TENM4: variants seen among roughly 807,000 people sequenced by gnomAD.
TENM4 encodes the protein teneurin-4.
In TENM4, 82 loss-of-function variants were observed where a neutral mutation model predicts 243.3. The observed-to-expected ratio is 0.34, with a 90% CI of 0.28 to 0.40. The LOEUF is 0.40. TENM4 is among the 10% of genes least tolerant of loss of function. The pLI is 1.00. For missense variants in TENM4, 3,138 were observed against 3,673.3 expected (o/e 0.85, Z 3.77); for synonymous variants, 1,412 against 1,456.3 (o/e 0.97, Z 0.69).
intron 6 of TENM4, among the ~76,000 whole-genome samples, chr11:79,056,558 C>T (rs1055633468): frequency 6.6e-6 from 1 of 151,946 alleles, no homozygotes; most frequent in Non-Finnish European, 1.5e-5. Flanking sequence ...CCAGGTCAAA[C>T]TTCACTAAGG....
intron 24 of TENM4, 117 bp from the exon 25 acceptor site, chr11:78,720,507 T>C (rs1450005178): frequency 9.8e-7 from 1 of 1,017,298 alleles, no homozygotes. Flanking sequence ...AATACTGTAA[T>C]AAATAAAGAC....
At chr11:78,853,067 T>A (rs967344228) in intron 12 of TENM4, among the ~76,000 whole-genome samples, 6 of 149,072 alleles carry the variant, frequency 4.0e-5, no homozygotes, top group African/African-American at 1.0e-4. Context: ...TTCAGAAACT[T>A]TTATCAAACT....
intron 2 of TENM4, among the ~76,000 whole-genome samples, chr11:79,227,438 G>A (rs1046549348): frequency 1.3e-5 from 2 of 152,154 alleles, no homozygotes; most frequent in Admixed American, 6.5e-5. Context: ...ACTGATAAAC[G>A]TGCTGAGAAA....
chr11:79,123,926 G>T (rs1477939207), intron 4 of TENM4, among the ~76,000 whole-genome samples: 1 of 152,052 alleles, frequency 6.6e-6, no homozygotes, highest in Non-Finnish European at 1.5e-5. Flanking sequence ...CAGTGTACAG[G>T]GCTTCTCAGA....
chr11:79,236,964 C>T (rs1036012665), intron 2 of TENM4, among the ~76,000 whole-genome samples: 6 of 152,080 alleles, frequency 3.9e-5, no homozygotes, highest in Non-Finnish European at 7.4e-5. Context: ...AAGGGGATTC[C>T]GTTAAAGGAG....
intron 1 of TENM4, among the ~76,000 whole-genome samples, chr11:79,414,511 A>C (rs1012602126): frequency 1.3e-5 from 2 of 152,198 alleles, no homozygotes; most frequent in African/African-American, 4.8e-5. Flanking sequence ...CAAGTAAAAC[A>C]TGCCAACTCA....
At chr11:79,242,304 G>GT in intron 2 of TENM4, among the ~76,000 whole-genome samples, 1 of 152,110 alleles carries the variant, frequency 6.6e-6, no homozygotes, top group Non-Finnish European at 1.5e-5. Context: ...TAATGGTGAT[G>GT]TTTTTTTCCT....
At position 78,687,843 on chromosome 11, in the gene TENM4, TA is replaced by T. The variant is rs547157313; in HGVS notation, c.5260+210del. Among the ~76,000 whole-genome samples, 31 of 152,338 alleles carry T rather than the reference TA, an allele frequency of 2.0e-4. No individual in the cohort carries two copies. The East Asian group carries it at 5.8e-3, about 28-fold the overall frequency. On this transcript the variant is annotated intron_variant, in intron 29 of 33. Transcript: ENST00000278550. ...CCTACCCTTTGTTCTGATAACAGGATAGGACAATAAAATATTATTCTTAAGC... is the reference window on the plus strand; with the variant it reads ...CCTACCCTTTGTTCTGATAACAGGATGGACAATAAAATATTATTCTTAAGC...
chr11:78,659,836 G>T (rs1020383731), intron 33 of TENM4, among the ~76,000 whole-genome samples: 2 of 152,204 alleles, frequency 1.3e-5, no homozygotes, highest in Non-Finnish European at 2.9e-5. Flanking sequence ...GCCACACTCA[G>T]GAAGGCTCCA....
chr11:79,117,041 T>C (rs888140925), intron 4 of TENM4, among the ~76,000 whole-genome samples: 2 of 152,194 alleles, frequency 1.3e-5, no homozygotes, highest in Non-Finnish European at 2.9e-5. Flanking sequence ...TCATCATCAT[T>C]ATTATCATTT....
intron 9 of TENM4, among the ~76,000 whole-genome samples, chr11:78,866,576 G>A (rs1858982237): frequency 1.3e-5 from 2 of 151,976 alleles, no homozygotes; most frequent in African/African-American, 4.8e-5. Context: ...AATGAGGGCA[G>A]GACAGTCCAC....
At chr11:79,205,906 C>A (rs1312199218) in intron 3 of TENM4, among the ~76,000 whole-genome samples, 2 of 152,192 alleles carry the variant, frequency 1.3e-5, no homozygotes, top group East Asian at 1.9e-4. Context: ...TCCATGCAGC[C>A]ACCGTGCTGA....
intron 4 of TENM4, among the ~76,000 whole-genome samples, chr11:79,098,224 C>T (rs538005663): frequency 1.9e-4 from 29 of 151,534 alleles, no homozygotes; most frequent in Admixed American, 7.9e-4. Flanking sequence ...CTCCCCCACC[C>T]CCCCCCATCT....
intron 9 of TENM4, among the ~76,000 whole-genome samples, chr11:78,872,458 C>A (rs767966740): frequency 6.6e-6 from 1 of 152,182 alleles, no homozygotes; most frequent in Non-Finnish European, 1.5e-5. Flanking sequence ...TGGTACAACA[C>A]GCCACTGCCA....
intron 7 of TENM4, among the ~76,000 whole-genome samples, chr11:78,895,005 A>T (rs11607333): frequency 8.5e-6 from 1 of 118,042 alleles, no homozygotes; most frequent in Admixed American, 1.0e-4. Flanking sequence ...AAAAAAAAAA[A>T]AAGAAGACAA....
At chr11:78,861,805 T>A (rs149516209) in intron 10 of TENM4, among the ~76,000 whole-genome samples, 123 of 152,288 alleles carry the variant, frequency 8.1e-4, no homozygotes, top group African/African-American at 2.8e-3. Flanking sequence ...AAAGAAGATG[T>A]AAGCAGTGAA....
chr11:79,380,908 T>C (rs1857988235), intron 1 of TENM4, among the ~76,000 whole-genome samples: 1 of 152,274 alleles, frequency 6.6e-6, no homozygotes, highest in African/African-American at 2.4e-5. Flanking sequence ...TGGGGCTGTG[T>C]GACCATAAGC....
chr11:79,118,137 G>A (rs1861659116), intron 4 of TENM4, among the ~76,000 whole-genome samples: 3 of 152,212 alleles, frequency 2.0e-5, no homozygotes, highest in South Asian at 2.1e-4. Flanking sequence ...GAGGTTCAGA[G>A]GCTAAGCAAT....
At chr11:78,864,410 G>C (rs976907460) in intron 9 of TENM4, among the ~76,000 whole-genome samples, 1 of 133,422 alleles carries the variant, frequency 7.5e-6, no homozygotes, top group African/African-American at 3.2e-5. Context: ...CTCCAGCCTG[G>C]GCGACAGAGC....
Sources: gnomAD v4.1 joint callset for allele counts (sites outside exome capture counted in the v4.1 genomes callset) on GRCh38, gnomAD v4.1.1 for gene constraint, MANE v1.5 for transcripts, NCBI Gene and HGNC (gene_info 2026-07-23, HGNC 2026-07-21) for gene names.